Variants in BLM observed in about 807,000 individuals in gnomAD.
BLM encodes the protein recQ-like DNA helicase BLM.
In BLM, 95 loss-of-function variants were observed where a neutral mutation model predicts 135.3. The observed-to-expected ratio is 0.70, with a 90% CI of 0.59 to 0.83. The LOEUF (loss-of-function observed/expected upper bound fraction) is 0.83. Ranked by LOEUF, BLM falls within the 40% of genes least tolerant of loss-of-function variation. The pLI is 0.00. For synonymous variants in BLM, 520 were observed against 589.2 expected (o/e 0.88, Z 1.70); for missense variants, 1,518 against 1,663.9 (o/e 0.91, Z 1.53).
At chr15:90,789,679 C>T (rs1043243024) in intron 14 of BLM, among the ~76,000 whole-genome samples, 1 of 151,992 alleles carries the variant, frequency 6.6e-6, no homozygotes, top group African/African-American at 2.4e-5. Context: ...CAGTTCCTTC[C>T]GCTGGTACTC....
intron 21 of BLM, among the ~76,000 whole-genome samples, chr15:90,813,932 G>C (rs575504741): frequency 4.6e-4 from 70 of 152,354 alleles, no homozygotes; most frequent in Non-Finnish European, 8.2e-4. Context: ...TGTGTTCTGG[G>C]CTCTCTGAGT....
At position 90,785,045 on chromosome 15, in the gene BLM, A is replaced by G. The variant is rs764679551; in HGVS notation, c.2787A>G (p.Glu929=). Residue 929 remains glutamate (E), a synonymous_variant, in exon 14 of 22, where the codon GAA becomes GAG. Transcript: ENST00000355112. ...GCCTCAGTGATTCTGCCAGAGATGA[A>G]GTGCAGCAGAAGTGGATTAATCAGG... The part of the protein sequence containing the change: ...HAGLSDSARD[E]VQQKWINQDG... 3 of 1,614,060 alleles carry G rather than the reference A, an allele frequency of 1.9e-6. No homozygotes were observed. The African/African-American group carries it at 4.0e-5, about 22-fold the overall frequency.
At position 90,797,414 on chromosome 15, in the gene BLM, CAAAAAAAAAAAAAAAA is replaced by C. The variant is rs56369282; in HGVS notation, c.3211-760_3211-745del. Among the ~76,000 whole-genome samples, 203 of 109,588 alleles carry C rather than the reference CAAAAAAAAAAAAAAAA, an allele frequency of 1.9e-3. 2 individuals carry two copies. Among genetic ancestry groups the C allele is most frequent in the South Asian group, 9.0e-3 (31 of 3,452 alleles). The allele number at this position is 109,588 out of a possible 152,430, so 71.9% of individuals were successfully genotyped here. ...CTGGGCGACGAGCGAAACTCCATCTCAAAAAAAAAAAAAAAAAAAAAAAAAAAAAAATTAAGATAGG... is the reference window on the plus strand; with the variant it reads ...CTGGGCGACGAGCGAAACTCCATCTCAAAAAAAAAAAAAAATTAAGATAGG... On this transcript the variant is annotated intron_variant, in intron 16 of 21. Coordinates refer to ENST00000355112, the MANE Select transcript of BLM (RefSeq NM_000057.4).
chr15:90,750,138 A>G, intron 3 of BLM, 71 bp downstream of exon 3: 2 of 1,487,634 alleles, frequency 1.3e-6, no homozygotes, highest in Non-Finnish European at 1.9e-6. Context: ...CATTGGGAAT[A>G]GTCATGAATA....
At chr15:90,728,961 C>T (rs1254651383) in intron 1 of BLM, among the ~76,000 whole-genome samples, 1 of 151,762 alleles carries the variant, frequency 6.6e-6, no homozygotes, top group African/African-American at 2.4e-5. Flanking sequence ...GGGAGTATCG[C>T]GGGAGCCCAG....
At chr15:90,747,679 C>T (rs372749632) in intron 2 of BLM, 189 bp downstream of exon 2, 129 of 574,168 alleles carry the variant, frequency 2.2e-4, no homozygotes, top group South Asian at 1.9e-3. Context: ...TGTGTCTCAT[C>T]TTTGCATGGT....
At chr15:90,739,042 G>A (rs551010678) in intron 1 of BLM, among the ~76,000 whole-genome samples, 16 of 152,252 alleles carry the variant, frequency 1.1e-4, no homozygotes, top group Non-Finnish European at 1.9e-4. Flanking sequence ...CAACCCTAAC[G>A]TCCTTGAATG....
chr15:90,793,198 C>T (rs1006677152), intron 15 of BLM, among the ~76,000 whole-genome samples: 7 of 150,272 alleles, frequency 4.7e-5, no homozygotes, highest in Non-Finnish European at 8.9e-5. Flanking sequence ...TGTGATGGCA[C>T]GATCTCAGCT....
At chr15:90,786,004 T>TC (rs1896739269) in intron 14 of BLM, among the ~76,000 whole-genome samples, 1 of 140,320 alleles carries the variant, frequency 7.1e-6, no homozygotes, top group African/African-American at 2.9e-5. Context: ...CTTTCTTTTT[T>TC]TTTTTTTTTT....
At chr15:90,800,763 C>T (rs1464961995) in intron 17 of BLM, among the ~76,000 whole-genome samples, 1 of 150,564 alleles carries the variant, frequency 6.6e-6, no homozygotes, top group Non-Finnish European at 1.5e-5. Context: ...GTGAAGAATG[C>T]AAATGTTACT....
intron 1 of BLM, among the ~76,000 whole-genome samples, chr15:90,747,041 C>T (rs1895519317): frequency 6.6e-6 from 1 of 151,990 alleles, no homozygotes; most frequent in South Asian, 2.1e-4. Context: ...TTTCATTTAT[C>T]CTTCCAGGCC....
rs1425054008 is a variant in BLM, at chr15:90,774,073, T to A, written c.2555+4487T>A. Among the ~76,000 whole-genome samples, 9 of 142,336 alleles carry A rather than the reference T, an allele frequency of 6.3e-5. No homozygotes were observed. The East Asian group carries it at 1.8e-3, about 29-fold the overall frequency. 93.4% of individuals were successfully genotyped at this position (142,336 alleles called of 152,430 possible). On this transcript the variant is annotated intron_variant, in intron 12 of 21. Coordinates refer to ENST00000355112, the MANE Select transcript of BLM (RefSeq NM_000057.4). ...TTTTCAAAGTGCCTCCGTCTTTTTT[T>A]TTTTTTTTTTTTTTTTTTTGAGGCG...
chr15:90,803,615 T>C lies in BLM; in HGVS notation c.3453T>C (p.Leu1151=). The C allele has an allele frequency of 6.2e-7, 1 of 1,614,116 alleles. No homozygotes were observed. The highest frequency in any genetic ancestry group is 1.3e-5 in the African/African-American group (1 of 75,054). ...NAERLFKKLI[L]DKILDEDLYI... is the part of the protein sequence containing the mutation. ...AAAGACTTTTTAAAAAGCTGATACTTGACAAGATTTTGGATGAAGACTTAT... is the reference window on the plus strand; with the variant it reads ...AAAGACTTTTTAAAAAGCTGATACTCGACAAGATTTTGGATGAAGACTTAT... The change falls in exon 18 of 22, where the codon CTT becomes CTC. Residue 1151 remains leucine, a synonymous_variant. Transcript: ENST00000355112.
chr15:90,767,161 A>G (rs1192079319), intron 10 of BLM, 138 bp downstream of exon 10: 2 of 581,208 alleles, frequency 3.4e-6, no homozygotes, highest in Non-Finnish European at 6.0e-6. Context: ...AAATGGTAAC[A>G]TTTTACTATA....
chr15:90,776,266 G>C (rs1234504927), intron 12 of BLM, among the ~76,000 whole-genome samples: 3 of 152,058 alleles, frequency 2.0e-5, no homozygotes, highest in Non-Finnish European at 4.4e-5. Flanking sequence ...GAAACTCTCT[G>C]GGAAAATAAG....
chr15:90,741,415 G>A (rs1895361803), intron 1 of BLM, among the ~76,000 whole-genome samples: 2 of 152,192 alleles, frequency 1.3e-5, no homozygotes, highest in Middle Eastern at 3.4e-3. Flanking sequence ...AAATCTGAAG[G>A]TTAGTGTCTT....
rs28385026 is a variant in BLM at position 90,765,282 on chromosome 15, T to C, written c.2075-14T>C. The C allele has an allele frequency of 4.5e-4, 696 of 1,556,732 alleles. 3 individuals are homozygous for C. The African/African-American group carries it at 7.2e-3, about 16-fold the overall frequency. Reference sequence around the variant, plus strand: ...ACAGAACCTGACAGATATTTTTTCATTGTTCTCTTTCAGGAGGTGGTAAGA... The same window carrying C: ...ACAGAACCTGACAGATATTTTTTCACTGTTCTCTTTCAGGAGGTGGTAAGA... On this transcript the variant is annotated splice_polypyrimidine_tract_variant and intron_variant, in intron 8 of 21. Transcript: ENST00000355112.
At chr15:90,755,031 A>G in intron 5 of BLM, 93 bp downstream of exon 5, 3 of 1,445,612 alleles carry the variant, frequency 2.1e-6, no homozygotes, top group South Asian at 2.5e-5. Flanking sequence ...CTGTGGCTGT[A>G]TGTTATAAAA....
At chr15:90,725,386 A>G (rs1253344876) in intron 1 of BLM, among the ~76,000 whole-genome samples, 2 of 151,916 alleles carry the variant, frequency 1.3e-5, no homozygotes, top group Non-Finnish European at 2.9e-5. Flanking sequence ...TTATTTTCCA[A>G]TCTGGTATAT....
Sources: gnomAD v4.1 joint callset for allele counts (sites outside exome capture counted in the v4.1 genomes callset) on GRCh38, gnomAD v4.1.1 for gene constraint, MANE v1.5 for transcripts, NCBI Gene and HGNC (gene_info 2026-07-23, HGNC 2026-07-21) for gene names.